The following GPR3 variants were observed in gnomAD, a reference collection of about 807,000 sequenced individuals.
The protein encoded by GPR3 is G protein-coupled receptor 3.
In GPR3, 16 loss-of-function variants were observed where a neutral mutation model predicts 18.2. That is an observed-to-expected ratio of 0.88 (90% CI 0.60 to 1.34). GPR3 has a LOEUF of 1.34. Among genes scored for constraint, GPR3 ranks in the 40% most tolerant of loss-of-function variants. The probability of loss-of-function intolerance (pLI) is 0.00; values close to 1 mark genes in which losing one functional copy is unlikely to be tolerated. For synonymous variants in GPR3, 183 were observed against 188.9 expected, an observed-to-expected ratio of 0.97 and a Z score of 0.26; for missense variants, 326 against 427.6, an observed-to-expected ratio of 0.76 and a Z score of 2.10.
Position 27,395,162 on chromosome 1 carries a change from A to T in GPR3, c.*371A>T. Reference sequence around the variant, plus strand: ...AGCTAAAGAGTCAGAGAGATTAGTCACATAGTTGCCTAAATAGGAGAGAGA... The same window carrying T: ...AGCTAAAGAGTCAGAGAGATTAGTCTCATAGTTGCCTAAATAGGAGAGAGA... On this transcript the variant is annotated 3_prime_UTR_variant, in exon 2 of 2. Transcript: ENST00000374024. The T allele has an allele frequency of 3.9e-6, 1 of 259,480 alleles. No individual in the cohort carries two copies. Among genetic ancestry groups the T allele is most frequent in the Admixed American group, 5.0e-5 (1 of 20,150 alleles). 16.1% of individuals were successfully genotyped at this position (259,480 alleles called of 1,614,324 possible). A position where few individuals can be genotyped will look rare whatever the true frequency, so the allele number is the denominator to read the frequency against.
rs992756782 is a variant in GPR3, at chr1:27,394,905, G to A, written c.*114G>A. Reference sequence around the variant, plus strand: ...CACCCCCCAGACCCAGCTGGTTCTGGAGTTCTAGGACATTGGGTGTTTCAA... The same window carrying A: ...CACCCCCCAGACCCAGCTGGTTCTGAAGTTCTAGGACATTGGGTGTTTCAA... On this transcript the variant is annotated 3_prime_UTR_variant, in exon 2 of 2. Coordinates refer to ENST00000374024, the MANE Select transcript of GPR3 (RefSeq NM_005281.4). 4 of 1,157,744 alleles carry A rather than the reference G, an allele frequency of 3.5e-6. No individual in the cohort carries two copies. Among genetic ancestry groups the A allele is most frequent in the Non-Finnish European group, 5.0e-6 (4 of 803,078 alleles). 71.7% of individuals were successfully genotyped at this position (1,157,744 alleles called of 1,614,324 possible).
In GPR3 at chr1:27,395,027, T is replaced by C; in HGVS notation, c.*236T>C. 1 of 510,130 alleles carries C rather than the reference T, an allele frequency of 2.0e-6. No individual in the cohort carries two copies. Among genetic ancestry groups the C allele is most frequent in the Non-Finnish European group, 3.5e-6 (1 of 281,994 alleles). 31.6% of individuals were successfully genotyped at this position (510,130 alleles called of 1,614,324 possible). On this transcript the variant is annotated 3_prime_UTR_variant, in exon 2 of 2. Transcript: ENST00000374024. The stretch of plus-strand genomic sequence containing the variant: ...ACTCAGAAATGTCTCACAGCCCAGC[T>C]GGGTTGCAATTCCAGAATGCTGGGA...
At chr1:27,393,513 G>A (rs974950632) in intron 1 of GPR3, among the ~76,000 whole-genome samples, 1 of 152,088 alleles carries the variant, frequency 6.6e-6, no homozygotes. Context: ...CCCTTCTTCT[G>A]TCTCTCCTCT....
chr1:27,392,966 C>G (rs1172827451), intron 1 of GPR3, among the ~76,000 whole-genome samples: 4 of 152,072 alleles, frequency 2.6e-5, no homozygotes, highest in Non-Finnish European at 1.5e-5. Flanking sequence ...ACCCGAGGCC[C>G]TGGAGGGACT....
chr1:27,395,095 C>A lies in GPR3; in HGVS notation c.*304C>A. On this transcript the variant is annotated 3_prime_UTR_variant, in exon 2 of 2. Transcript: ENST00000374024. ...CAAGTCCCAGATGTCCCTCTTCCCC[C>A]AAACTTGACCTTGACCATGTCACTT... 4.9e-6 allele frequency: 2 copies of A among 405,042 alleles called. No homozygotes were observed. Among genetic ancestry groups the A allele is most frequent in the Non-Finnish European group, 9.2e-6 (2 of 216,720 alleles). 25.1% of individuals were successfully genotyped at this position (405,042 alleles called of 1,614,324 possible).
At position 27,393,795 on chromosome 1, in the gene GPR3, T is replaced by A. The variant is rs768279894; in HGVS notation, c.-4T>A. 7 of 1,528,048 alleles carry A rather than the reference T, an allele frequency of 4.6e-6. No individual in the cohort carries two copies. The South Asian group carries it at 7.7e-5, about 17-fold the overall frequency. The allele number at this position is 1,528,048 out of a possible 1,614,324, so 94.7% of individuals were successfully genotyped here. On this transcript the variant is annotated splice_region_variant and 5_prime_UTR_variant, in exon 2 of 2. Coordinates refer to ENST00000374024, the MANE Select transcript of GPR3 (RefSeq NM_005281.4). ...TCTCACAAGGCCTTTCTCCTGCAGG[T>A]ACCATGATGTGGGGTGCAGGCAGCC...
rs1292615039 is a variant in GPR3, at chr1:27,394,987, G to C, written c.*196G>C. On this transcript the variant is annotated 3_prime_UTR_variant, in exon 2 of 2. Coordinates refer to ENST00000374024, the MANE Select transcript of GPR3 (RefSeq NM_005281.4). Reference sequence around the variant, plus strand: ...TGGCTCCACGGTTCCAGAATGTTCAGGTGGTCAGTGTTCTACTCAGAAATG... The same window carrying C: ...TGGCTCCACGGTTCCAGAATGTTCACGTGGTCAGTGTTCTACTCAGAAATG... The C allele has an allele frequency of 1.3e-5, 8 of 612,224 alleles. No individual in the cohort carries two copies. The highest frequency in any genetic ancestry group is 2.3e-5 in the Non-Finnish European group (8 of 342,618). The allele number at this position is 612,224 out of a possible 1,614,324, so 37.9% of individuals were successfully genotyped here. A position where few individuals can be genotyped will look rare whatever the true frequency, so the allele number is the denominator to read the frequency against.
rs1387096721 is a variant in GPR3 at position 27,394,312 on chromosome 1, G to A, written c.514G>A (p.Val172Met). The change falls in exon 2 of 2, where the codon GTG becomes ATG. Residue 172 changes from valine (V) to methionine (M), a missense_variant. Physicochemically the swap from Val to Met is conservative, Grantham distance 21. Coordinates refer to ENST00000374024, the MANE Select transcript of GPR3 (RefSeq NM_005281.4). ...GGALGLGLLP[V>M]LAWNCLDGLT... ...TGCCCTGGGCCTGGGGCTGCTGCCT[G>A]TGCTGGCCTGGAACTGCCTGGATGG... 4 of 1,613,490 alleles carry A rather than the reference G, an allele frequency of 2.5e-6. No homozygotes were observed. The highest frequency in any genetic ancestry group is 3.4e-6 in the Non-Finnish European group (4 of 1,180,050).
rs773270412 is a variant in GPR3 at position 27,394,161 on chromosome 1, C to T, written c.363C>T (p.Thr121=). ...TTGGCGTGCTGGCAATGGCCTTTAC[C>T]GCCAGCATCGGCAGTCTACTGGCCA... ...VLVGVLAMAF[T]ASIGSLLAIT... is the part of the protein sequence containing the mutation. The change falls in exon 2 of 2, where the codon ACC becomes ACT. Residue 121 remains threonine, a synonymous_variant. Transcript: ENST00000374024. 114 of 1,613,606 alleles carry T rather than the reference C, an allele frequency of 7.1e-5. No homozygotes were observed. Among genetic ancestry groups the T allele is most frequent in the Admixed American group, 5.2e-4 (31 of 60,012 alleles).
rs906963903 is a variant in GPR3, at chr1:27,395,451, A to G, written c.*660A>G. 4.8e-5 allele frequency: 8 copies of G among 167,138 alleles called. No individual in the cohort carries two copies. Among genetic ancestry groups the G allele is most frequent in the African/African-American group, 1.4e-4 (6 of 41,462 alleles). 10.4% of individuals were successfully genotyped at this position (167,138 alleles called of 1,614,324 possible). On this transcript the variant is annotated 3_prime_UTR_variant, in exon 2 of 2. Coordinates refer to ENST00000374024, the MANE Select transcript of GPR3 (RefSeq NM_005281.4). ...TCATAGAAACCAGAGCCTTCTCCCC[A>G]GGCCTGCCCTCCTCGGGTTTGGAAG...
rs1295536241 is a variant in GPR3, at chr1:27,394,691, C to T, written c.893C>T (p.Ala298Val). ...YNSMINPIIY[A>V]FRNQDVQKVL... ...TCCATGATCAACCCTATCATCTACGCCTTCCGCAACCAGGATGTGCAGAAA... is the reference window on the plus strand; with the variant it reads ...TCCATGATCAACCCTATCATCTACGTCTTCCGCAACCAGGATGTGCAGAAA... The change falls in exon 2 of 2, where the codon GCC becomes GTC. Residue 298 changes from alanine (A) to valine (V), a missense_variant. Coordinates refer to ENST00000374024, the MANE Select transcript of GPR3 (RefSeq NM_005281.4). 5.0e-6 allele frequency: 8 copies of T among 1,614,086 alleles called. No homozygotes were observed. The African/African-American group carries it at 9.3e-5, about 19-fold the overall frequency.
rs1176634001 is a variant in GPR3 at position 27,394,119 on chromosome 1, G to C, written c.321G>C (p.Glu107Asp). The C allele has an allele frequency of 1.2e-6, 2 of 1,612,684 alleles. No individual in the cohort carries two copies. The highest frequency in any genetic ancestry group is 1.7e-6 in the Non-Finnish European group (2 of 1,180,038). ...FAAVFCIGSA[E>D]MSLVLVGVLA... ...CTGTCTTCTGCATCGGCTCAGCGGA[G>C]ATGAGCCTGGTGCTGGTTGGCGTGC... The change falls in exon 2 of 2, where the codon GAG becomes GAC. Residue 107 changes from glutamate (E) to aspartate (D), a missense_variant. By Grantham distance (45) the Glu-to-Asp change is conservative. Transcript: ENST00000374024.
Position 27,395,388 on chromosome 1 carries a change from A to T in GPR3, c.*597A>T, listed in dbSNP as rs1400908446. 1 of 167,124 alleles carries T rather than the reference A, an allele frequency of 6.0e-6. No individual in the cohort carries two copies. The highest frequency in any genetic ancestry group is 1.9e-4 in the East Asian group (1 of 5,212). The allele number at this position is 167,124 out of a possible 1,614,324, so 10.4% of individuals were successfully genotyped here. A position where few individuals can be genotyped will look rare whatever the true frequency, so the allele number is the denominator to read the frequency against. ...GGAAAGGGTGAAAGAGAAACCACGT[A>T]TTTTGTTATTATTTTGGATTATTTT... On this transcript the variant is annotated 3_prime_UTR_variant, in exon 2 of 2. Coordinates refer to ENST00000374024, the MANE Select transcript of GPR3 (RefSeq NM_005281.4).
intron 1 of GPR3, 87 bp from the exon 2 acceptor site, chr1:27,393,707 C>A: frequency 9.0e-7 from 1 of 1,117,038 alleles, no homozygotes; most frequent in Non-Finnish European, 1.3e-6. Context: ...ACTCCCACCA[C>A]GTATCCTGAG....
At position 27,395,588 on chromosome 1, in the gene GPR3, C is replaced by T. The variant is rs376825029; in HGVS notation, c.*797C>T. ...CCCTCTGGTGGCCATTTGGGGAAAA[C>T]TGCAGCCCGGCCAGGCAGCTGGGAC... is the stretch of plus-strand genomic sequence containing the variant. On this transcript the variant is annotated 3_prime_UTR_variant, in exon 2 of 2. Coordinates refer to ENST00000374024, the MANE Select transcript of GPR3 (RefSeq NM_005281.4). 4 of 167,242 alleles carry T rather than the reference C, an allele frequency of 2.4e-5. No individual in the cohort carries two copies. Among genetic ancestry groups the T allele is most frequent in the African/African-American group, 7.2e-5 (3 of 41,580 alleles). The allele number at this position is 167,242 out of a possible 1,614,324, so 10.4% of individuals were successfully genotyped here. A position where few individuals can be genotyped will look rare whatever the true frequency, so the allele number is the denominator to read the frequency against.
At chr1:27,393,761 T>C in intron 1 of GPR3, 33 bp from the exon 2 acceptor site, 1 of 1,514,282 alleles carries the variant, frequency 6.6e-7, no homozygotes, top group Non-Finnish European at 8.8e-7. Context: ...TCACCCAGCT[T>C]GGTCAGCTTC....
At chr1:27,393,724 C>G in intron 1 of GPR3, 70 bp from the exon 2 acceptor site, 1 of 1,345,634 alleles carries the variant, frequency 7.4e-7, no homozygotes, top group South Asian at 1.4e-5. Context: ...TGAGAAGCAC[C>G]TCACCCCCTC....
intron 1 of GPR3, 58 bp from the exon 2 acceptor site, chr1:27,393,736 A>G (rs905578948): frequency 6.9e-7 from 1 of 1,457,192 alleles, no homozygotes; most frequent in Non-Finnish European, 9.2e-7. Context: ...CACCCCCTCC[A>G]GACCCCAACT....
rs781618521 is a variant in GPR3 at position 27,394,244 on chromosome 1, C to T, written c.446C>T (p.Thr149Ile). The stretch of plus-strand genomic sequence containing the variant: ...GCCCTCACCTACTATTCAGAGACAA[C>T]AGTGACACGGACCTATGTGATGCTG... ...YNALTYYSETTVTRTYVMLAL... is the reference protein window; with the variant it reads ...YNALTYYSETIVTRTYVMLAL... The change falls in exon 2 of 2, where the codon ACA (threonine) becomes ATA (isoleucine). Residue 149 changes from threonine to isoleucine, a missense_variant. By Grantham distance (89) the Thr-to-Ile change is moderately conservative (BLOSUM62 -1). Transcript: ENST00000374024. 3 of 1,613,538 alleles carry T rather than the reference C, an allele frequency of 1.9e-6. No individual in the cohort carries two copies. The highest frequency in any genetic ancestry group is 1.7e-5 in the Admixed American group (1 of 60,028).
Sources: gnomAD v4.1 joint callset for allele counts (sites outside exome capture counted in the v4.1 genomes callset) on GRCh38, gnomAD v4.1.1 for gene constraint, MANE v1.5 for transcripts, NCBI Gene and HGNC (gene_info 2026-07-23, HGNC 2026-07-21) for gene names.